Variants in LRP2 observed in about 807,000 individuals in gnomAD.
LRP2 encodes low-density lipoprotein receptor-related protein 2.
A neutral mutation model predicts 531.0 loss-of-function variants in LRP2; 172 were observed. The ratio of observed to expected loss-of-function variants is 0.32; its 90% CI spans 0.29 to 0.37. LRP2 has a LOEUF of 0.37. LRP2 is among the 10% of genes least tolerant of loss of function. The pLI is 1.00. For missense variants in LRP2, 5,167 were observed against 5,868.3 expected, an observed-to-expected ratio of 0.88 and a Z score of 3.90; for synonymous variants, 1,992 against 2,027.6, an observed-to-expected ratio of 0.98 and a Z score of 0.47.
At chr2:169,287,685 T>C (rs1683894891) in intron 9 of LRP2, among the ~76,000 whole-genome samples, 1 of 151,560 alleles carries the variant, frequency 6.6e-6, no homozygotes, top group African/African-American at 2.4e-5. Flanking sequence ...AGAAAGGCTT[T>C]TCTGGCTATG....
rs369898905 is a variant in LRP2 at position 169,137,383 on chromosome 2, G to T, written c.13620+9C>A. On this transcript the variant is annotated intron_variant, in intron 76 of 78. Transcript: ENST00000649046. The stretch of plus-strand genomic sequence containing the variant: ...AGTAACTGAAAGAAAAGACTGTATG[G>T]TTTCTCACCTGGATTGGCTGAACCA... 6.3e-7 allele frequency: 1 copy of T among 1,588,340 alleles called. No homozygotes were observed. The highest frequency in any genetic ancestry group is 8.6e-7 in the Non-Finnish European group (1 of 1,156,630).
At chr2:169,280,634 C>G (rs535282750) in intron 10 of LRP2, 115 bp from the exon 11 acceptor site, 1 of 1,048,712 alleles carries the variant, frequency 9.5e-7, no homozygotes, top group African/African-American at 1.6e-5. Context: ...GTTGTCTTAC[C>G]TGATTTTAAC....
In LRP2 at chr2:169,244,858, G is replaced by A. The variant is rs763860226; in HGVS notation, c.3265C>T (p.Arg1089Cys). ...CIPAHWRCDK[R>C]NDCVDGSDEH... ...TCACTGCCATCCACACAGTCGTTGC[G>A]TTTGTCACAGCGCCAGTGTGCAGGA... The change falls in exon 22 of 79, where the codon CGC (arginine) becomes TGC (cysteine). Residue 1089 changes from arginine (R) to cysteine (C), a missense_variant. Transcript: ENST00000649046. 15 of 1,614,134 alleles carry A rather than the reference G, an allele frequency of 9.3e-6. No homozygotes were observed. Among genetic ancestry groups the A allele is most frequent in the African/African-American group, 6.7e-5 (5 of 74,948 alleles).
chr2:169,236,291 A>G (rs1689602310), intron 28 of LRP2, among the ~76,000 whole-genome samples: 1 of 152,222 alleles, frequency 6.6e-6, no homozygotes, highest in Non-Finnish European at 1.5e-5. Context: ...TTCATAAAAC[A>G]TGTAATACAT....
chr2:169,308,604 T>G (rs1684495404), intron 3 of LRP2, among the ~76,000 whole-genome samples: 1 of 152,242 alleles, frequency 6.6e-6, no homozygotes, highest in South Asian at 2.1e-4. Flanking sequence ...TGCCACATTT[T>G]CTTAATCCAG....
intron 68 of LRP2, 44 bp from the exon 69 acceptor site, chr2:169,147,003 A>G (rs1170019479): frequency 7.1e-7 from 1 of 1,401,854 alleles, no homozygotes. Context: ...ACCTGGTAAG[A>G]CTTCTCCACT....
At chr2:169,278,576 C>T (rs1683617470) in intron 12 of LRP2, among the ~76,000 whole-genome samples, 1 of 152,146 alleles carries the variant, frequency 6.6e-6, no homozygotes, top group Non-Finnish European at 1.5e-5. Flanking sequence ...GGAAAACTTA[C>T]AAATACCTTT....
intron 31 of LRP2, among the ~76,000 whole-genome samples, chr2:169,228,846 A>C (rs1262098792): frequency 6.6e-6 from 1 of 152,210 alleles, no homozygotes; most frequent in East Asian, 1.9e-4. Context: ...GTAAGACAAC[A>C]GGTGGCGCAG....
chr2:169,215,518 C>T (rs1688748658), intron 35 of LRP2, among the ~76,000 whole-genome samples: 2 of 152,010 alleles, frequency 1.3e-5, no homozygotes, highest in South Asian at 2.1e-4. Context: ...GTGCATTAAT[C>T]ATGTTAAAAT....
chr2:169,237,360 A>C, intron 27 of LRP2, 73 bp from the exon 28 acceptor site: 1 of 1,216,958 alleles, frequency 8.2e-7, no homozygotes, highest in Admixed American at 1.8e-5. Flanking sequence ...TTATATAAAA[A>C]TCTAGATTAA....
At chr2:169,189,821 T>G (rs1687769213) in intron 48 of LRP2, among the ~76,000 whole-genome samples, 1 of 151,578 alleles carries the variant, frequency 6.6e-6, no homozygotes, top group Admixed American at 6.6e-5. Flanking sequence ...TCTCTTCTAC[T>G]ATAGCCCTTT....
intron 1 of LRP2, among the ~76,000 whole-genome samples, chr2:169,341,265 T>C (rs533682149): frequency 6.6e-6 from 1 of 152,284 alleles, no homozygotes; most frequent in East Asian, 1.9e-4. Flanking sequence ...CACTGGCACG[T>C]CTTCAAATTA....
At chr2:169,139,208 T>G in intron 74 of LRP2, 43 bp downstream of exon 74, 2 of 1,613,940 alleles carry the variant, frequency 1.2e-6, no homozygotes, top group Non-Finnish European at 1.7e-6. Flanking sequence ...TCATATGAAT[T>G]TCTTAGGCTT....
chr2:169,213,605 G>T, intron 36 of LRP2, 52 bp downstream of exon 36: 1 of 1,379,732 alleles, frequency 7.2e-7, no homozygotes, highest in Non-Finnish European at 1.0e-6. Flanking sequence ...TGTGAGTTAT[G>T]TGTGAATATG....
Position 169,152,917 on chromosome 2 carries a change from T to G in LRP2, c.12343A>C (p.Ile4115Leu). 1 of 1,614,082 alleles carries G rather than the reference T, an allele frequency of 6.2e-7. No homozygotes were observed. Among genetic ancestry groups the G allele is most frequent in the Non-Finnish European group, 8.5e-7 (1 of 1,179,962 alleles). ...VRGEGSRFGA[I>L]KRAYIPNFES... ...AAGTTGGGGATGTAGGCACGTTTGA[T>G]AGCACCAAACCTAGAGCCCTCCCCT... Residue 4115 changes from isoleucine to leucine, a missense_variant, in exon 67 of 79, where the codon ATC becomes CTC. Ile to Leu is a conservative substitution (Grantham distance 5, BLOSUM62 2). Coordinates refer to ENST00000649046, the MANE Select transcript of LRP2 (RefSeq NM_004525.3).
intron 1 of LRP2, among the ~76,000 whole-genome samples, chr2:169,344,833 A>T (rs1685655942): frequency 6.6e-6 from 1 of 152,190 alleles, no homozygotes; most frequent in Non-Finnish European, 1.5e-5. Flanking sequence ...AGGTGTCCTT[A>T]AGCCTGACTT....
chr2:169,242,831 T>C (rs1316611061), intron 24 of LRP2, 125 bp downstream of exon 24: 3 of 791,082 alleles, frequency 3.8e-6, no homozygotes, highest in Non-Finnish European at 6.9e-6. Flanking sequence ...CAATACCACA[T>C]TCCTTTGAGG....
rs1304209402 is a variant in LRP2, at chr2:169,289,042, G to T, written c.1026C>A (p.Asp342Glu). The T allele has an allele frequency of 1.2e-6, 2 of 1,614,052 alleles. No homozygotes were observed. Among genetic ancestry groups the T allele is most frequent in the Non-Finnish European group, 1.7e-6 (2 of 1,179,956 alleles). ...CPPGYIINHN[D>E]SRTCVEFDDC... ...ATCACTTACCAACACAGGTACGGCT[G>T]TCATTGTGGTTGATGATATAACCTG... is the stretch of plus-strand genomic sequence containing the variant. Residue 342 changes from aspartate (D) to glutamate (E), a missense_variant, in exon 9 of 79, where the codon GAC becomes GAA. Coordinates refer to ENST00000649046, the MANE Select transcript of LRP2 (RefSeq NM_004525.3).
chr2:169,147,522 G>T (rs1685961193), intron 68 of LRP2, among the ~76,000 whole-genome samples: 1 of 152,048 alleles, frequency 6.6e-6, no homozygotes, highest in South Asian at 2.1e-4. Context: ...GACCAGTGCT[G>T]CCCAGGCTGG....
Sources: gnomAD v4.1 joint callset for allele counts (sites outside exome capture counted in the v4.1 genomes callset) on GRCh38, gnomAD v4.1.1 for gene constraint, MANE v1.5 for transcripts, NCBI Gene and HGNC (gene_info 2026-07-23, HGNC 2026-07-21) for gene names.